SLC39A11: variants seen among roughly 807,000 people sequenced by gnomAD.
The protein encoded by SLC39A11 is solute carrier family 39 member 11, also known as zinc transporter ZIP11.
A neutral mutation model predicts 36.1 loss-of-function variants in SLC39A11; 33 were observed. The ratio of observed to expected loss-of-function variants is 0.91; its 90% CI spans 0.69 to 1.22. The LOEUF is 1.22. SLC39A11 is among the 50% of genes most tolerant of loss of function. The probability of loss-of-function intolerance (pLI) is 0.00; values close to 1 mark genes in which losing one functional copy is unlikely to be tolerated. For synonymous variants in SLC39A11, 166 were observed against 170.3 expected, an observed-to-expected ratio of 0.97 and a Z score of 0.20; for missense variants, 432 against 430.3, an observed-to-expected ratio of 1.00 and a Z score of -0.03.
chr17:72,989,279 G>A (rs1028237852), intron 4 of SLC39A11, among the ~76,000 whole-genome samples: 1 of 152,196 alleles, frequency 6.6e-6, no homozygotes, highest in African/African-American at 2.4e-5. Context: ...GCCAGATCTT[G>A]GCTGTATTTC....
rs116185012 is a variant in SLC39A11 at position 72,820,755 on chromosome 17, G to A, written c.601+28879C>T. Among the ~76,000 whole-genome samples the A allele has an allele frequency of 7.6e-3, 1,151 of 151,112 alleles. 22 individuals are homozygous for A. Among genetic ancestry groups the A allele is most frequent in the African/African-American group, 0.022 (917 of 41,410 alleles). ...AGATGCCCTGGAGCTGGGTGCTAAC[G>A]GGCGGGCAGAAGCCGGCCAGGTGAA... On this transcript the variant is annotated intron_variant, in intron 6 of 9. Transcript: ENST00000255559.
intron 5 of SLC39A11, among the ~76,000 whole-genome samples, chr17:72,900,226 A>AAAGAAAGG (rs1567913378): frequency 6.6e-5 from 10 of 151,246 alleles, no homozygotes; most frequent in South Asian, 6.3e-4. Flanking sequence ...AGAAAGAAAG[A>AAAGAAAGG]AAGAAAAAGA....
intron 6 of SLC39A11, among the ~76,000 whole-genome samples, chr17:72,738,553 C>T (rs1035501235): frequency 5.9e-5 from 9 of 152,076 alleles, no homozygotes; most frequent in Admixed American, 2.0e-4. Flanking sequence ...GATGGCGCAG[C>T]GAGGGTCATG....
intron 6 of SLC39A11, among the ~76,000 whole-genome samples, chr17:72,770,497 C>T (rs1027902467): frequency 1.3e-5 from 2 of 152,230 alleles, no homozygotes; most frequent in African/African-American, 4.8e-5. Context: ...TAGAAATCTG[C>T]TGTGATTGGC....
chr17:72,945,299 G>T (rs1402094242), intron 5 of SLC39A11, among the ~76,000 whole-genome samples: 1 of 152,172 alleles, frequency 6.6e-6, no homozygotes, highest in African/African-American at 2.4e-5. Context: ...GGCCTTTCTA[G>T]TTCTTCCTCT....
chr17:72,849,782 T>C lies in SLC39A11; in HGVS notation c.453A>G (p.Ala151=), dbSNP rs146219801. Residue 151 remains alanine, a synonymous_variant, in exon 6 of 10, where the codon GCA becomes GCG. Transcript: ENST00000255559. ...TGGCTGCCGCCTTCTTTCTCTGATA[T>C]GCCTCACCATTCTCACTCTTGTCTG... ...IRIDKSENGE[A]YQRKKAAATG... The C allele has an allele frequency of 7.0e-4, 1,110 of 1,575,438 alleles. No homozygotes were observed. The highest frequency in any genetic ancestry group is 9.0e-4 in the Non-Finnish European group (1,053 of 1,166,738).
At chr17:72,792,350 G>A (rs2076737777) in intron 6 of SLC39A11, among the ~76,000 whole-genome samples, 1 of 152,186 alleles carries the variant, frequency 6.6e-6, no homozygotes. Context: ...AGGCAGTGAG[G>A]TAGAACCCAG....
At chr17:72,832,663 A>G (rs2078335814) in intron 6 of SLC39A11, among the ~76,000 whole-genome samples, 1 of 152,264 alleles carries the variant, frequency 6.6e-6, no homozygotes, top group South Asian at 2.1e-4. Context: ...TTGATTTCAG[A>G]ATCCAACCTT....
chr17:72,887,851 C>T (rs1255072032), intron 5 of SLC39A11, among the ~76,000 whole-genome samples: 1 of 152,156 alleles, frequency 6.6e-6, no homozygotes, highest in African/African-American at 2.4e-5. Flanking sequence ...TCTATTTGTT[C>T]TCTCAGTCCT....
intron 7 of SLC39A11, among the ~76,000 whole-genome samples, chr17:72,661,864 C>G (rs1598262911): frequency 6.6e-6 from 1 of 152,108 alleles, no homozygotes; most frequent in Non-Finnish European, 1.5e-5. Context: ...GGAAGTCAGC[C>G]GGAAGGCAGG....
At chr17:73,068,161 T>C in intron 3 of SLC39A11, 1 of 1,281,780 alleles carries the variant, frequency 7.8e-7, no homozygotes. Flanking sequence ...GTTCCTCTGT[T>C]CCCGGAGAAA....
intron 3 of SLC39A11, among the ~76,000 whole-genome samples, chr17:73,042,054 C>A (rs373245757): frequency 6.6e-6 from 1 of 152,118 alleles, no homozygotes; most frequent in East Asian, 1.9e-4. Flanking sequence ...ATTAGGCAAA[C>A]CTTTCCATTT....
chr17:72,789,439 G>A (rs1264392185), intron 6 of SLC39A11, among the ~76,000 whole-genome samples: 6 of 152,182 alleles, frequency 3.9e-5, no homozygotes, highest in Admixed American at 2.6e-4. Flanking sequence ...TACTTGTTAG[G>A]GCAAAGGGCA....
intron 5 of SLC39A11, among the ~76,000 whole-genome samples, chr17:72,877,814 TTTATTA>T (rs534543674): frequency 2.0e-5 from 3 of 150,396 alleles, no homozygotes; most frequent in East Asian, 1.9e-4. Flanking sequence ...TTTATTTTTA[TTTATTA>T]TTATTATTAT....
At chr17:72,842,187 AAC>A (rs530916436) in intron 6 of SLC39A11, among the ~76,000 whole-genome samples, 39 of 152,284 alleles carry the variant, frequency 2.6e-4, no homozygotes, top group African/African-American at 8.2e-4. Flanking sequence ...AAATAAATAA[AAC>A]ACACAAACAG....
At chr17:72,865,949 A>G (rs1259619883) in intron 5 of SLC39A11, among the ~76,000 whole-genome samples, 1 of 152,210 alleles carries the variant, frequency 6.6e-6, no homozygotes, top group Non-Finnish European at 1.5e-5. Context: ...TGACTAACCA[A>G]TGAGCTGGAG....
At chr17:73,000,294 T>C (rs574789714) in intron 4 of SLC39A11, among the ~76,000 whole-genome samples, 55 of 143,662 alleles carry the variant, frequency 3.8e-4, no homozygotes, top group African/African-American at 1.4e-3. Flanking sequence ...TCTCTCTGCC[T>C]TCTCTCTCTC....
At chr17:72,698,187 C>G (rs2072409765) in intron 7 of SLC39A11, among the ~76,000 whole-genome samples, 1 of 152,086 alleles carries the variant, frequency 6.6e-6, no homozygotes, top group Non-Finnish European at 1.5e-5. Flanking sequence ...AATTGGGGGA[C>G]TGCTTTGCAA....
At chr17:72,662,545 GAAAAGAAAAAA>G (rs2070492018) in intron 7 of SLC39A11, among the ~76,000 whole-genome samples, 1 of 56,064 alleles carries the variant, frequency 1.8e-5, no homozygotes, top group African/African-American at 1.1e-4. Context: ...GAGAAAGAAA[GAAAAGAAAAAA>G]GAAAAGAAAA....
Sources: allele counts gnomAD v4.1 joint callset (sites outside exome capture counted in the v4.1 genomes callset), GRCh38; gene constraint gnomAD v4.1.1; transcripts MANE v1.5; gene names NCBI Gene and HGNC (gene_info 2026-07-23, HGNC 2026-07-21).